AIG1: variants seen among roughly 807,000 people sequenced by gnomAD.
The protein encoded by AIG1 is androgen-induced gene 1 protein.
AIG1 carries 23 observed loss-of-function variants against 31.4 expected under a neutral mutation model. That is an observed-to-expected ratio of 0.73 (90% CI 0.53 to 1.04). The LOEUF is 1.04. AIG1 is among the 50% of genes least tolerant of loss of function. The pLI, the probability that AIG1 is intolerant of heterozygous loss-of-function variation, is 0.00. For missense variants in AIG1, 274 were observed against 295.0 expected (o/e 0.93, Z 0.52); for synonymous variants, 100 against 110.5 (o/e 0.90, Z 0.60).
chr6:143,204,810 A>C (rs921359266), intron 3 of AIG1, among the ~76,000 whole-genome samples: 1 of 152,106 alleles, frequency 6.6e-6, no homozygotes, highest in African/African-American at 2.4e-5. Context: ...AAAGAAAAGG[A>C]GTTCCAGAAG....
intron 3 of AIG1, among the ~76,000 whole-genome samples, chr6:143,237,156 A>C (rs1793868192): frequency 1.3e-5 from 2 of 152,224 alleles, no homozygotes; most frequent in Admixed American, 1.3e-4. Context: ...AATCTAATGC[A>C]TTGAAGTTCA....
At chr6:143,304,982 C>T (rs1243121740) in intron 4 of AIG1, among the ~76,000 whole-genome samples, 1 of 152,086 alleles carries the variant, frequency 6.6e-6, no homozygotes, top group African/African-American at 2.4e-5. Context: ...GGAATTTATC[C>T]ATTTCTTCTA....
chr6:143,331,920 G>A lies in AIG1; in HGVS notation c.516-1362G>A, dbSNP rs1321974189. Among the ~76,000 whole-genome samples, 1 of 150,784 alleles carries A rather than the reference G, an allele frequency of 6.6e-6. No individual in the cohort carries two copies. The highest frequency in any genetic ancestry group is 1.5e-5 in the Non-Finnish European group (1 of 67,812). On this transcript the variant is annotated intron_variant, in intron 4 of 5. Coordinates refer to ENST00000357847, the MANE Select transcript of AIG1 (RefSeq NM_016108.4). This position sits in a 1 kb window ranked among gnomAD's most constrained non-coding sequence, Gnocchi z 4.1. ...CAAGTCTCACTTTGTCACCCAGGCT[G>A]GAGTGCAGTGGTGTGATCTCAGCTC... is the stretch of plus-strand genomic sequence containing the variant.
downstream of AIG1, chr6:143,342,263 G>C (rs1321202388): frequency 2.9e-6 from 2 of 685,240 alleles, no homozygotes; most frequent in East Asian, 5.5e-5. Flanking sequence ...GGCGAGGCTG[G>C]GCGCAGAGAG....
chr6:143,161,708 A>G (rs1015069232), intron 2 of AIG1, among the ~76,000 whole-genome samples: 30 of 152,224 alleles, frequency 2.0e-4, no homozygotes, highest in Middle Eastern at 6.8e-3. Context: ...AGTATGAAAC[A>G]AAACCATCTG....
chr6:143,076,600 T>A (rs1777746593), intron 1 of AIG1, among the ~76,000 whole-genome samples: 1 of 152,156 alleles, frequency 6.6e-6, no homozygotes, highest in African/African-American at 2.4e-5. Flanking sequence ...TACCATTTTA[T>A]TATTAGGTTT....
chr6:143,241,320 G>A (rs1224574082), intron 3 of AIG1, among the ~76,000 whole-genome samples: 1 of 152,198 alleles, frequency 6.6e-6, no homozygotes, highest in East Asian at 1.9e-4. Context: ...GAGCAAGACT[G>A]AACCATTTTA....
intron 3 of AIG1, among the ~76,000 whole-genome samples, chr6:143,231,489 G>A (rs1452513111): frequency 1.3e-5 from 2 of 152,272 alleles, no homozygotes; most frequent in African/African-American, 2.4e-5. Context: ...GAACTATCTC[G>A]TGAACAGAGT....
At chr6:143,251,230 T>G (rs1357970340) in intron 3 of AIG1, among the ~76,000 whole-genome samples, 2 of 151,978 alleles carry the variant, frequency 1.3e-5, no homozygotes, top group African/African-American at 4.8e-5. Flanking sequence ...TTTTGTATTT[T>G]TAGTAGAGAT....
At chr6:143,067,251 AT>A (rs776437532) in intron 1 of AIG1, among the ~76,000 whole-genome samples, 3 of 152,114 alleles carry the variant, frequency 2.0e-5, no homozygotes, top group Non-Finnish European at 2.9e-5. Context: ...AAAAATTTTT[AT>A]GGTTAATGTT....
intron 3 of AIG1, among the ~76,000 whole-genome samples, chr6:143,213,685 T>G (rs2128617993): frequency 6.9e-6 from 1 of 144,092 alleles, no homozygotes; most frequent in South Asian, 2.2e-4. Context: ...CCTGACTAAT[T>G]TTTACATTTT....
chr6:143,242,979 G>C (rs1395156654), intron 3 of AIG1, among the ~76,000 whole-genome samples: 2 of 152,110 alleles, frequency 1.3e-5, no homozygotes, highest in Non-Finnish European at 2.9e-5. Flanking sequence ...CCTATCTGAT[G>C]GCCTATATGA....
chr6:143,089,973 A>G (rs1381839823), intron 1 of AIG1, among the ~76,000 whole-genome samples: 1 of 152,272 alleles, frequency 6.6e-6, no homozygotes, highest in Non-Finnish European at 1.5e-5. Flanking sequence ...AATGTCTGGC[A>G]CATATTAAGT....
At chr6:143,081,036 G>A (rs539311553) in intron 1 of AIG1, among the ~76,000 whole-genome samples, 71 of 152,126 alleles carry the variant, frequency 4.7e-4, no homozygotes, top group Admixed American at 1.9e-3. Context: ...TAAGTTGGCC[G>A]TCTCTCAGTC....
At chr6:143,153,010 T>G (rs957165452) in intron 2 of AIG1, among the ~76,000 whole-genome samples, 1 of 152,134 alleles carries the variant, frequency 6.6e-6, no homozygotes, top group Non-Finnish European at 1.5e-5. Flanking sequence ...TTGGTGTGGT[T>G]TCAGCCTAAA....
At chr6:143,249,855 A>G (rs1256786417) in intron 3 of AIG1, among the ~76,000 whole-genome samples, 2 of 152,128 alleles carry the variant, frequency 1.3e-5, no homozygotes, top group African/African-American at 4.8e-5. Flanking sequence ...ATGCACCTCC[A>G]TTGGGCATGT....
intron 3 of AIG1, among the ~76,000 whole-genome samples, chr6:143,277,133 A>G (rs1317377188): frequency 6.6e-6 from 1 of 152,166 alleles, no homozygotes; most frequent in African/African-American, 2.4e-5. Flanking sequence ...TGCTAATGCA[A>G]TGGGCTTTAT....
intron 3 of AIG1, among the ~76,000 whole-genome samples, chr6:143,239,292 G>A (rs755866272): frequency 6.6e-6 from 1 of 152,142 alleles, no homozygotes; most frequent in Non-Finnish European, 1.5e-5. Context: ...CAAGTCCAGT[G>A]GAATCTCGTA....
chr6:143,320,641 A>G (rs1311729595), intron 4 of AIG1, among the ~76,000 whole-genome samples: 1 of 152,138 alleles, frequency 6.6e-6, no homozygotes, highest in Non-Finnish European at 1.5e-5. Context: ...TAAAATAGCC[A>G]AAGTCATAGA....
Sources: gnomAD v4.1 joint callset for allele counts (sites outside exome capture counted in the v4.1 genomes callset) on GRCh38, gnomAD v4.1.1 for gene constraint, Gnocchi (gnomAD v3.1) non-coding constraint, MANE v1.5 for transcripts, NCBI Gene and HGNC (gene_info 2026-07-23, HGNC 2026-07-21) for gene names.